The following PCK1 variants were observed in gnomAD, a reference collection of about 807,000 sequenced individuals.
PCK1 encodes the protein phosphoenolpyruvate carboxykinase 1, also known as phosphoenolpyruvate carboxykinase, cytosolic [GTP].
PCK1 carries 44 observed loss-of-function variants against 50.3 expected under a neutral mutation model. The ratio of observed to expected loss-of-function variants is 0.87; its 90% CI spans 0.69 to 1.12. The LOEUF is 1.12. PCK1 is among the 50% of genes most tolerant of loss of function. The probability of loss-of-function intolerance (pLI) is 0.00; values close to 1 mark genes in which losing one functional copy is unlikely to be tolerated. For missense variants in PCK1, 790 were observed against 815.0 expected (o/e 0.97, Z 0.37); for synonymous variants, 332 against 314.3 (o/e 1.06, Z -0.59).
rs769664458 is a variant in PCK1, at chr20:57,564,332, G to A, written c.1125G>A (p.Glu375=). The change falls in exon 7 of 10, where the codon GAG becomes GAA. Residue 375 remains glutamate, a synonymous_variant. Transcript: ENST00000319441. ...GCGTTTACTGGGAAGGCATTGATGA[G>A]CCGCTAGCTTCAGGTGTCACCATCA... The part of the protein sequence containing the change: ...DGGVYWEGID[E]PLASGVTITS... 7 of 1,614,148 alleles carry A rather than the reference G, an allele frequency of 4.3e-6. No individual in the cohort carries two copies. The highest frequency in any genetic ancestry group is 1.7e-5 in the Admixed American group (1 of 60,018).
chr20:57,565,343 T>G lies in PCK1; in HGVS notation c.1415-7T>G, dbSNP rs369812296. On this transcript the variant is annotated splice_region_variant and splice_polypyrimidine_tract_variant and intron_variant, in intron 9 of 9. Transcript: ENST00000319441. ...ATTTACTAATGAACTCCCTCTCTGTTTAACAGGCAAAATCATCATGCATGA... is the reference window on the plus strand; with the variant it reads ...ATTTACTAATGAACTCCCTCTCTGTGTAACAGGCAAAATCATCATGCATGA... 2.5e-6 allele frequency: 4 copies of G among 1,611,636 alleles called. No individual in the cohort carries two copies. In the African/African-American group the frequency reaches 5.3e-5, roughly 22 times the overall value.
In PCK1 at chr20:57,563,162, A is replaced by T. The variant is rs781356801; in HGVS notation, c.745A>T (p.Arg249Trp). The T allele has an allele frequency of 5.3e-5, 85 of 1,613,694 alleles. No individual in the cohort carries two copies. The highest frequency in any genetic ancestry group is 6.8e-5 in the Non-Finnish European group (80 of 1,180,032). Residue 249 changes from arginine (R) to tryptophan (W), a missense_variant, in exon 5 of 10, where the codon AGG (arginine) becomes TGG (tryptophan). By Grantham distance (101) the Arg-to-Trp change is moderately radical (BLOSUM62 -3). Coordinates refer to ENST00000319441, the MANE Select transcript of PCK1 (RefSeq NM_002591.4). ...SLLGKKCFAL[R>W]MASRLAKEEG... ...GCTCGGGAAGAAGTGCTTTGCTCTCAGGATGGCCAGCCGGCTGGCCAAGGA... is the reference window on the plus strand; with the variant it reads ...GCTCGGGAAGAAGTGCTTTGCTCTCTGGATGGCCAGCCGGCTGGCCAAGGA...
chr20:57,565,118 C>A lies in PCK1; in HGVS notation c.1397C>A (p.Ala466Glu), dbSNP rs548285338. 5 of 1,613,236 alleles carry A rather than the reference C, an allele frequency of 3.1e-6. No homozygotes were observed. The Admixed American group carries it at 5.0e-5, about 16-fold the overall frequency. The change falls in exon 9 of 10, where the codon GCG becomes GAG. Residue 466 changes from alanine to glutamate, a missense_variant. Transcript: ENST00000319441. Reference sequence around the variant, plus strand: ...GCGGCCATGAGATCAGAGGCCACAGCGGCTGCAGAACATAAAGGTAAATCA... The same window carrying A: ...GCGGCCATGAGATCAGAGGCCACAGAGGCTGCAGAACATAAAGGTAAATCA... ...VGAAMRSEAT[A>E]AAEHKGKIIM...
intron 5 of PCK1, 174 bp downstream of exon 5, chr20:57,563,389 C>T (rs2070171058): frequency 2.9e-6 from 2 of 696,526 alleles, no homozygotes; most frequent in Admixed American, 2.9e-5. Context: ...TTTTGAAGGC[C>T]CCCAAACACC....
chr20:57,565,245 AG>A, intron 9 of PCK1, 104 bp from the exon 10 acceptor site: 2 of 1,292,400 alleles, frequency 1.5e-6, no homozygotes, highest in South Asian at 1.2e-5. Flanking sequence ...AGAGAGAGAG[AG>A]AAAGAGAGAG....
intron 9 of PCK1, 106 bp downstream of exon 9, chr20:57,565,241 A>G: frequency 7.9e-7 from 1 of 1,266,236 alleles, no homozygotes; most frequent in Non-Finnish European, 1.1e-6. Flanking sequence ...GGAGAGAGAG[A>G]GAGAGAAAGA....
chr20:57,561,143 C>T lies in PCK1; in HGVS notation c.-101C>T, dbSNP rs1294279711. 3 of 309,518 alleles carry T rather than the reference C, an allele frequency of 9.7e-6. No homozygotes were observed. Among genetic ancestry groups the T allele is most frequent in the East Asian group, 1.4e-4 (2 of 14,516 alleles). The allele number at this position is 309,518 out of a possible 1,614,324, so 19.2% of individuals were successfully genotyped here. A position where few individuals can be genotyped will look rare whatever the true frequency, so the allele number is the denominator to read the frequency against. ...CCCACTGGGAACACAAACTTGCTGGCGGGAAGAGCCCGGAAAGAAACCTGT... is the reference window on the plus strand; with the variant it reads ...CCCACTGGGAACACAAACTTGCTGGTGGGAAGAGCCCGGAAAGAAACCTGT... On this transcript the variant is annotated 5_prime_UTR_variant, in exon 1 of 10. Transcript: ENST00000319441.
chr20:57,561,646 C>T lies in PCK1; in HGVS notation c.224+11C>T, dbSNP rs1158122497. On this transcript the variant is annotated intron_variant, in intron 2 of 9. Transcript: ENST00000319441. ...GAAGTATGACAACTGGTAAGCTCGGCCCCCGCTGCCTGTCCCAGCACCCTG... is the reference window on the plus strand; with the variant it reads ...GAAGTATGACAACTGGTAAGCTCGGTCCCCGCTGCCTGTCCCAGCACCCTG... 3 of 1,570,398 alleles carry T rather than the reference C, an allele frequency of 1.9e-6. No individual in the cohort carries two copies. Among genetic ancestry groups the T allele is most frequent in the Non-Finnish European group, 2.6e-6 (3 of 1,143,154 alleles).
chr20:57,566,786 G>A lies in PCK1; in HGVS notation c.*982G>A, dbSNP rs924509253. Reference sequence around the variant, plus strand: ...GCTTTTTGACAGTTTGGATCTGGAGGGGTCTCAGGCTTCCACAAAAATTAC... The same window carrying A: ...GCTTTTTGACAGTTTGGATCTGGAGAGGTCTCAGGCTTCCACAAAAATTAC... On this transcript the variant is annotated 3_prime_UTR_variant, in exon 10 of 10. Coordinates refer to ENST00000319441, the MANE Select transcript of PCK1 (RefSeq NM_002591.4). The A allele has an allele frequency of 6.6e-6, 1 of 152,170 alleles. No individual in the cohort carries two copies. Among genetic ancestry groups the A allele is most frequent in the African/African-American group, 2.4e-5 (1 of 41,430 alleles). 9.4% of individuals were successfully genotyped at this position (152,170 alleles called of 1,614,324 possible). A position where few individuals can be genotyped will look rare whatever the true frequency, so the allele number is the denominator to read the frequency against.
intron 8 of PCK1, 26 bp from the exon 9 acceptor site, chr20:57,565,014 A>ATT: frequency 6.5e-7 from 1 of 1,539,322 alleles, no homozygotes; most frequent in Non-Finnish European, 8.9e-7. Context: ...TCTGATGAAC[A>ATT]TTTCTCTTTT....
rs2070164560 is a variant in PCK1 at position 57,563,019 on chromosome 20, T to G, written c.611-9T>G. ...GGCGCACTGACTTGGGAGGGGTCCT[T>G]GTTCACAGAGCCTTTGGTCAACAAC... On this transcript the variant is annotated splice_polypyrimidine_tract_variant and intron_variant, in intron 4 of 9. Transcript: ENST00000319441. 6.2e-7 allele frequency: 1 copy of G among 1,610,656 alleles called. No individual in the cohort carries two copies. Among genetic ancestry groups the G allele is most frequent in the Non-Finnish European group, 8.5e-7 (1 of 1,177,590 alleles).
Position 57,564,569 on chromosome 20 carries a change from G to T in PCK1, c.1274G>T (p.Gly425Val). 6.2e-7 allele frequency: 1 copy of T among 1,612,704 alleles called. No homozygotes were observed. The highest frequency in any genetic ancestry group is 8.5e-7 in the Non-Finnish European group (1 of 1,179,044). The part of the protein sequence containing the change: ...IIDAAWESPE[G>V]VPIEGIIFGG... The stretch of plus-strand genomic sequence containing the variant: ...GATGCTGCCTGGGAGTCTCCGGAAG[G>T]TGTTCCCATTGAAGGCATTATCTTT... Residue 425 changes from glycine (G) to valine (V), a missense_variant, in exon 8 of 10, where the codon GGT becomes GTT. Coordinates refer to ENST00000319441, the MANE Select transcript of PCK1 (RefSeq NM_002591.4).
intron 7 of PCK1, 41 bp from the exon 8 acceptor site, chr20:57,564,441 T>A: frequency 6.2e-7 from 1 of 1,614,130 alleles, no homozygotes; most frequent in Non-Finnish European, 8.5e-7. Flanking sequence ...AGGGACTGCC[T>A]GTTTGAGCCA....
In PCK1 at chr20:57,564,150, C is replaced by T; in HGVS notation, c.962-19C>T. The T allele has an allele frequency of 1.3e-6, 2 of 1,567,636 alleles. No individual in the cohort carries two copies. The highest frequency in any genetic ancestry group is 1.1e-5 in the South Asian group (1 of 89,856). ...TTGCCTGGCACTCACTACTGCTTCT[C>T]TGGTTTAAAACTCTCCAGGTCATTT... is the stretch of plus-strand genomic sequence containing the variant. On this transcript the variant is annotated intron_variant, in intron 6 of 9. Coordinates refer to ENST00000319441, the MANE Select transcript of PCK1 (RefSeq NM_002591.4).
chr20:57,562,135 C>A lies in PCK1; in HGVS notation c.289C>A (p.Gln97Lys), dbSNP rs2146526800. ...CGAAAGCAAGACGGTTATCGTCACC[C>A]AAGAGCAAAGAGACACAGTGCCCAT... ...RIESKTVIVT[Q>K]EQRDTVPIPK... The change falls in exon 3 of 10, where the codon CAA (glutamine) becomes AAA (lysine). Residue 97 changes from glutamine (Q) to lysine (K), a missense_variant. By Grantham distance (53) the Gln-to-Lys change is moderately conservative. Coordinates refer to ENST00000319441, the MANE Select transcript of PCK1 (RefSeq NM_002591.4). 6.2e-7 allele frequency: 1 copy of A among 1,614,112 alleles called. No homozygotes were observed. The highest frequency in any genetic ancestry group is 8.5e-7 in the Non-Finnish European group (1 of 1,179,970).
rs762499830 is a variant in PCK1, at chr20:57,565,696, G to A, written c.1761G>A (p.Lys587=). 1 of 1,613,878 alleles carries A rather than the reference G, an allele frequency of 6.2e-7. No individual in the cohort carries two copies. The highest frequency in any genetic ancestry group is 1.7e-5 in the Admixed American group (1 of 60,032). ...GCATCTCCAAGGAATTCTGGGAGAA[G>A]GAGGTGGAAGACATCGAGAAGTATC... ...LFSISKEFWE[K]EVEDIEKYLE... Residue 587 remains lysine, a synonymous_variant, in exon 10 of 10, where the codon AAG becomes AAA. Transcript: ENST00000319441.
intron 6 of PCK1, 70 bp downstream of exon 6, chr20:57,563,797 A>C: frequency 2.3e-5 from 29 of 1,268,004 alleles, no homozygotes; most frequent in Non-Finnish European, 3.1e-5. Flanking sequence ...GAAACATGTC[A>C]CATTCTCCTC....
At position 57,562,812 on chromosome 20, in the gene PCK1, C is replaced by T. The variant is rs753818713; in HGVS notation, c.523C>T (p.Arg175Trp). ...GGTGGCCAGCATGCGGATCATGACG[C>T]GGATGGGCACGCCCGTCCTGGAAGC... is the stretch of plus-strand genomic sequence containing the variant. ...YVVASMRIMT[R>W]MGTPVLEAVG... The change falls in exon 4 of 10, where the codon CGG becomes TGG. Residue 175 changes from arginine to tryptophan, a missense_variant. Arg to Trp is a moderately radical substitution (Grantham distance 101). Transcript: ENST00000319441. 9 of 1,614,028 alleles carry T rather than the reference C, an allele frequency of 5.6e-6. No homozygotes were observed. The highest frequency in any genetic ancestry group is 2.2e-5 in the East Asian group (1 of 44,882).
chr20:57,568,072 G>C lies in PCK1; in HGVS notation c.*2268G>C, dbSNP rs903766912. 2.0e-5 allele frequency: 3 copies of C among 152,188 alleles called. No individual in the cohort carries two copies. The highest frequency in any genetic ancestry group is 7.2e-5 in the African/African-American group (3 of 41,426). The allele number at this position is 152,188 out of a possible 1,614,324, so 9.4% of individuals were successfully genotyped here. A position where few individuals can be genotyped will look rare whatever the true frequency, so the allele number is the denominator to read the frequency against. ...TCTGTCTCCAAATCCTGATTTTTGT[G>C]CGCGGACCCCTGTCTACAATAAACA... On this transcript the variant is annotated 3_prime_UTR_variant, in exon 10 of 10. Transcript: ENST00000319441.
Sources: allele counts gnomAD v4.1 joint callset, GRCh38; gene constraint gnomAD v4.1.1; transcripts MANE v1.5; gene names NCBI Gene and HGNC (gene_info 2026-07-23, HGNC 2026-07-21).